The following CD44 variants were observed in gnomAD, a reference collection of about 807,000 sequenced individuals.
CD44 encodes CD44 molecule (IN blood group).
Under a neutral mutation model 88.8 loss-of-function variants are expected in CD44, and 49 were observed. That is an observed-to-expected ratio of 0.55 (90% CI 0.44 to 0.70). CD44 has a LOEUF of 0.70. Ranked by LOEUF, CD44 falls within the 30% of genes least tolerant of loss-of-function variation. CD44 has a pLI of 0.00. For synonymous variants in CD44, 325 were observed against 312.3 expected (o/e 1.04, Z -0.43); for missense variants, 883 against 913.8 (o/e 0.97, Z 0.43).
chr11:35,178,208 T>G (rs535152592), intron 2 of CD44, among the ~76,000 whole-genome samples: 25 of 152,222 alleles, frequency 1.6e-4, no homozygotes, highest in Non-Finnish European at 3.4e-4. Flanking sequence ...TAAGCTGAAC[T>G]TTGATTGTGA....
At chr11:35,217,473 C>T (rs61882768) in intron 15 of CD44, among the ~76,000 whole-genome samples, 8,558 of 152,110 alleles carry the variant, frequency 0.056, 342 homozygotes, top group Non-Finnish European at 0.078. Context: ...AACCTGCCAA[C>T]CACCAAGGAC....
chr11:35,222,805 G>C lies in CD44; in HGVS notation c.2024+1073G>C, dbSNP rs938815719. 7 of 984,844 alleles carry C rather than the reference G, an allele frequency of 7.1e-6. No homozygotes were observed. The African/African-American group carries it at 1.2e-4, about 17-fold the overall frequency. The allele number at this position is 984,844 out of a possible 1,614,324, so 61.0% of individuals were successfully genotyped here. On this transcript the variant is annotated intron_variant, in intron 17 of 17. Coordinates refer to ENST00000428726, the MANE Select transcript of CD44 (RefSeq NM_000610.4). The stretch of plus-strand genomic sequence containing the variant: ...GCCTTTTGTAAATGTCCCTTTAGAT[G>C]GTTTCTCATAAGGTAAAAGAAACTT...
Position 35,231,411 on chromosome 11 carries a change from C to T in CD44, c.*2078C>T, listed in dbSNP as rs1950049646. ...GAGAAAGGGGTAGTGATACAAGTCT[C>T]ATAGCCAGAGATGGTTTTCCACTCC... is the stretch of plus-strand genomic sequence containing the variant. On this transcript the variant is annotated 3_prime_UTR_variant, in exon 18 of 18. Coordinates refer to ENST00000428726, the MANE Select transcript of CD44 (RefSeq NM_000610.4). 1.3e-5 allele frequency: 2 copies of T among 152,192 alleles called. No individual in the cohort carries two copies. The highest frequency in any genetic ancestry group is 6.5e-5 in the Admixed American group (1 of 15,282). 9.4% of individuals were successfully genotyped at this position (152,192 alleles called of 1,614,324 possible). A position where few individuals can be genotyped will look rare whatever the true frequency, so the allele number is the denominator to read the frequency against.
chr11:35,189,789 AAAATAT>A lies in CD44; in HGVS notation c.437-45_437-40del, dbSNP rs768733905. 151 of 1,312,368 alleles carry A rather than the reference AAAATAT, an allele frequency of 1.2e-4. No homozygotes were observed. In the African/African-American group the frequency reaches 2.0e-3, roughly 17 times the overall value. The allele number at this position is 1,312,368 out of a possible 1,614,324, so 81.3% of individuals were successfully genotyped here. ...ATGTTAAACGCTAATCCACATACTC[AAAATAT>A]GAGCTGTGAAGTTCTGTAAGTACCT... On this transcript the variant is annotated intron_variant, in intron 4 of 17. Transcript: ENST00000428726.
At chr11:35,161,770 C>T (rs1942645942) in intron 1 of CD44, among the ~76,000 whole-genome samples, 1 of 152,186 alleles carries the variant, frequency 6.6e-6, no homozygotes, top group Non-Finnish European at 1.5e-5. Flanking sequence ...ATTCTAAGGA[C>T]ATCTTCTTAT....
At chr11:35,197,070 A>G (rs1381825722) in intron 6 of CD44, 196 bp downstream of exon 6, 3 of 566,190 alleles carry the variant, frequency 5.3e-6, no homozygotes, top group Non-Finnish European at 9.4e-6. Context: ...CTTCTTTCTA[A>G]TCTATGGATT....
intron 4 of CD44, among the ~76,000 whole-genome samples, chr11:35,189,012 A>G (rs1003188760): frequency 2.0e-5 from 3 of 152,226 alleles, no homozygotes; most frequent in African/African-American, 7.2e-5. Context: ...TCAATGCAAT[A>G]CAGCAGAAAA....
Position 35,231,037 on chromosome 11 carries a change from A to G in CD44, c.*1704A>G, listed in dbSNP as rs1950034084. ...AGGAGAGATGTCAACTTTCTGCACT[A>G]TTCCCAGCCTCTGCTCCTCCCTGTC... On this transcript the variant is annotated 3_prime_UTR_variant, in exon 18 of 18. Transcript: ENST00000428726. 6.5e-6 allele frequency: 1 copy of G among 153,658 alleles called. No individual in the cohort carries two copies. Among genetic ancestry groups the G allele is most frequent in the South Asian group, 2.1e-4 (1 of 4,822 alleles). The allele number at this position is 153,658 out of a possible 1,614,324, so 9.5% of individuals were successfully genotyped here.
In CD44 at chr11:35,198,218, T is replaced by G; in HGVS notation, c.894T>G (p.Asp298Glu). 1 of 1,614,050 alleles carries G rather than the reference T, an allele frequency of 6.2e-7. No individual in the cohort carries two copies. The highest frequency in any genetic ancestry group is 1.1e-5 in the South Asian group (1 of 91,082). Residue 298 changes from aspartate (D) to glutamate (E), a missense_variant, in exon 7 of 18, where the codon GAT (aspartate) becomes GAG (glutamate). Asp to Glu is a conservative substitution (Grantham distance 45). Around this residue, in one of 2 missense-constraint regions of CD44, gnomAD observed 631 missense variants for 590.9 expected, o/e 1.07. Coordinates refer to ENST00000428726, the MANE Select transcript of CD44 (RefSeq NM_000610.4). The stretch of plus-strand genomic sequence containing the variant: ...TCAGTTTTTCTGGATCAGGCATTGA[T>G]GATGATGAAGATTTTATCTCCAGCA... ...RHLSFSGSGI[D>E]DDEDFISSTI... is the part of the protein sequence containing the mutation.
chr11:35,180,540 C>G, intron 3 of CD44, 133 bp downstream of exon 3: 1 of 938,642 alleles, frequency 1.1e-6, no homozygotes, highest in Non-Finnish European at 1.6e-6. Context: ...ACAGCAGAGC[C>G]AACATTCCTG....
chr11:35,141,075 C>T (rs1044974338), intron 1 of CD44, among the ~76,000 whole-genome samples: 1 of 151,940 alleles, frequency 6.6e-6, no homozygotes, highest in Non-Finnish European at 1.5e-5. Context: ...TTTCACTGTG[C>T]CAGGCATTAT....
chr11:35,194,323 A>G (rs995737961), intron 5 of CD44, among the ~76,000 whole-genome samples: 2 of 152,230 alleles, frequency 1.3e-5, no homozygotes, highest in African/African-American at 2.4e-5. Flanking sequence ...TTTTCTAATT[A>G]TCATTCAATA....
intron 2 of CD44, chr11:35,177,068 CAT>C (rs1458055856): frequency 4.2e-6 from 1 of 239,586 alleles, no homozygotes; most frequent in Non-Finnish European, 8.0e-6. Context: ...CACAAGAAAA[CAT>C]AAACCAAATA....
At chr11:35,212,017 T>C (rs1948440225) in intron 14 of CD44, among the ~76,000 whole-genome samples, 1 of 152,188 alleles carries the variant, frequency 6.6e-6, no homozygotes, top group Admixed American at 6.5e-5. Flanking sequence ...TGATTTAATC[T>C]AGTATTAATG....
At chr11:35,202,800 A>C (rs1947439746) in intron 9 of CD44, among the ~76,000 whole-genome samples, 1 of 152,196 alleles carries the variant, frequency 6.6e-6, no homozygotes, top group Admixed American at 6.5e-5. Context: ...TTGTATACAT[A>C]CGGCTTAGGG....
chr11:35,175,374 G>A (rs574885031), intron 1 of CD44, among the ~76,000 whole-genome samples: 4 of 152,314 alleles, frequency 2.6e-5, no homozygotes, highest in South Asian at 2.1e-4. Context: ...ATAAGATTAA[G>A]TGGAAAAATG....
At chr11:35,178,020 G>C (rs1253506667) in intron 2 of CD44, among the ~76,000 whole-genome samples, 3 of 152,214 alleles carry the variant, frequency 2.0e-5, no homozygotes, top group African/African-American at 4.8e-5. Flanking sequence ...TGTGTTCAGA[G>C]CTAGGTCTGG....
In CD44 at chr11:35,223,378, T is replaced by C. The variant is rs1949457340; in HGVS notation, c.2024+1646T>C. On this transcript the variant is annotated intron_variant, in intron 17 of 17. Transcript: ENST00000428726. ...CTAGAATGCACCACTTTTGCTCACATACACAGTCCATAAGCTTTGCACATG... is the reference window on the plus strand; with the variant it reads ...CTAGAATGCACCACTTTTGCTCACACACACAGTCCATAAGCTTTGCACATG... 3 of 669,428 alleles carry C rather than the reference T, an allele frequency of 4.5e-6. No individual in the cohort carries two copies. The South Asian group carries it at 2.0e-4, about 45-fold the overall frequency. The allele number at this position is 669,428 out of a possible 1,614,324, so 41.5% of individuals were successfully genotyped here.
chr11:35,200,006 C>CT (rs201150294), intron 7 of CD44, among the ~76,000 whole-genome samples: 47 of 52,342 alleles, frequency 9.0e-4, no homozygotes, highest in South Asian at 3.0e-3. Flanking sequence ...TTCTGCTTTT[C>CT]TTTTTTTTTC....
Sources: allele counts gnomAD v4.1 joint callset (sites outside exome capture counted in the v4.1 genomes callset), GRCh38; gene constraint gnomAD v4.1.1; regional missense constraint gnomAD v4.1.1; transcripts MANE v1.5; gene names NCBI Gene and HGNC (gene_info 2026-07-23, HGNC 2026-07-21).